The following MAPKAP1 variants were observed in gnomAD, a reference collection of about 807,000 sequenced individuals.
The protein encoded by MAPKAP1 is MAPK associated protein 1.
A neutral mutation model predicts 65.7 loss-of-function variants in MAPKAP1; 20 were observed. That is an observed-to-expected ratio of 0.30 (90% CI 0.21 to 0.44). MAPKAP1 has a LOEUF of 0.44. Among genes scored for constraint, MAPKAP1 ranks in the 20% least tolerant of loss-of-function variants. The probability of loss-of-function intolerance (pLI) is 1.00; values close to 1 mark genes in which losing one functional copy is unlikely to be tolerated. For synonymous variants in MAPKAP1, 222 were observed against 244.3 expected, an observed-to-expected ratio of 0.91 and a Z score of 0.85; for missense variants, 423 against 648.0, an observed-to-expected ratio of 0.65 and a Z score of 3.77.
intron 7 of MAPKAP1, chr9:125,542,847 A>C: frequency 1.4e-6 from 1 of 712,388 alleles, no homozygotes; most frequent in Non-Finnish European, 2.6e-6. Flanking sequence ...ATTGATATGA[A>C]TACATTCTTC....
intron 4 of MAPKAP1, among the ~76,000 whole-genome samples, chr9:125,619,189 T>C (rs1209667335): frequency 6.6e-6 from 1 of 152,198 alleles, no homozygotes; most frequent in Non-Finnish European, 1.5e-5. Flanking sequence ...AAACATGGGC[T>C]AGTCACATTT....
chr9:125,555,893 C>T (rs1484327044), intron 6 of MAPKAP1, among the ~76,000 whole-genome samples: 1 of 152,174 alleles, frequency 6.6e-6, no homozygotes, highest in African/African-American at 2.4e-5. Flanking sequence ...AAACACTACC[C>T]CTCCTCTGCT....
intron 1 of MAPKAP1, among the ~76,000 whole-genome samples, chr9:125,677,951 C>T (rs1402039424): frequency 2.0e-5 from 3 of 152,100 alleles, no homozygotes; most frequent in African/African-American, 7.2e-5. Context: ...AGGTCTCACT[C>T]CCATCGCCCA....
At chr9:125,640,028 TCTC>T (rs1163708895) in intron 4 of MAPKAP1, among the ~76,000 whole-genome samples, 3 of 152,240 alleles carry the variant, frequency 2.0e-5, no homozygotes, top group African/African-American at 7.2e-5. Flanking sequence ...CTCGCTAACT[TCTC>T]CTACTAAGAC....
chr9:125,542,747 G>T (rs376041999), intron 7 of MAPKAP1, among the ~76,000 whole-genome samples: 1 of 152,134 alleles, frequency 6.6e-6, no homozygotes, highest in Non-Finnish European at 1.5e-5. Context: ...GGACTGATTC[G>T]GTTTTCAAGA....
chr9:125,477,195 T>A (rs542692055), intron 9 of MAPKAP1, among the ~76,000 whole-genome samples: 1 of 152,220 alleles, frequency 6.6e-6, no homozygotes, highest in Non-Finnish European at 1.5e-5. Context: ...TTTATTAGGT[T>A]ATAGATGCGA....
At chr9:125,519,265 A>T (rs1235785186) in intron 7 of MAPKAP1, among the ~76,000 whole-genome samples, 10 of 152,122 alleles carry the variant, frequency 6.6e-5, no homozygotes, top group Admixed American at 6.6e-4. Flanking sequence ...AGACCACAGA[A>T]GCTTCCAGTG....
At chr9:125,468,431 TTATCTC>T (rs952314129) in intron 9 of MAPKAP1, among the ~76,000 whole-genome samples, 1 of 152,222 alleles carries the variant, frequency 6.6e-6, no homozygotes, top group African/African-American at 2.4e-5. Context: ...CAGCCGTACA[TTATCTC>T]TATATTGTAA....
chr9:125,642,205 GA>G (rs536940746), intron 4 of MAPKAP1, among the ~76,000 whole-genome samples: 4 of 100,678 alleles, frequency 4.0e-5, no homozygotes, highest in Admixed American at 9.8e-5. Flanking sequence ...ACTGTCTCAA[GA>G]AAAAAAAAAG....
rs377755471 is a variant in MAPKAP1, at chr9:125,595,782, C to T, written c.499-10055G>A. On this transcript the variant is annotated intron_variant, in intron 4 of 11. Transcript: ENST00000265960. The surrounding 1 kb of genome is among the most constrained non-coding windows in gnomAD (Gnocchi z 4.0). Reference sequence around the variant, plus strand: ...AGGAGCCATTGTGAGCAATGGGGAACGCTCCCAGACTGTGTGGTAATGAAA... The same window carrying T: ...AGGAGCCATTGTGAGCAATGGGGAATGCTCCCAGACTGTGTGGTAATGAAA... The T allele has an allele frequency of 7.5e-6, 9 of 1,197,310 alleles. No individual in the cohort carries two copies. The highest frequency in any genetic ancestry group is 4.5e-5 in the African/African-American group (3 of 67,094). The allele number at this position is 1,197,310 out of a possible 1,614,324, so 74.2% of individuals were successfully genotyped here.
At chr9:125,563,331 A>G (rs957429824) in intron 5 of MAPKAP1, among the ~76,000 whole-genome samples, 3 of 152,348 alleles carry the variant, frequency 2.0e-5, no homozygotes, top group Middle Eastern at 3.4e-3. Context: ...GGTGGAAAGA[A>G]CAGGGATTTT....
chr9:125,445,827 G>A (rs1248366311), intron 10 of MAPKAP1, among the ~76,000 whole-genome samples: 1 of 152,218 alleles, frequency 6.6e-6, no homozygotes, highest in Admixed American at 6.5e-5. Flanking sequence ...TTAAGCTACT[G>A]AAGTTGGTTT....
chr9:125,642,182 G>A (rs1833598155), intron 4 of MAPKAP1, among the ~76,000 whole-genome samples: 2 of 151,066 alleles, frequency 1.3e-5, no homozygotes, highest in South Asian at 4.2e-4. Context: ...TCCAGCCTGG[G>A]CAACAGAGTA....
intron 3 of MAPKAP1, among the ~76,000 whole-genome samples, chr9:125,659,237 C>T (rs1834119048): frequency 6.6e-6 from 1 of 152,144 alleles, no homozygotes; most frequent in Non-Finnish European, 1.5e-5. Flanking sequence ...GTATTTTCCT[C>T]ACCTGGCACA....
At chr9:125,637,366 A>G (rs1833454388) in intron 4 of MAPKAP1, among the ~76,000 whole-genome samples, 1 of 152,074 alleles carries the variant, frequency 6.6e-6, no homozygotes, top group Non-Finnish European at 1.5e-5. Context: ...TTCAAGTATC[A>G]AAGTGCTAAA....
chr9:125,538,175 T>C (rs1564547694), intron 7 of MAPKAP1, among the ~76,000 whole-genome samples: 1 of 152,216 alleles, frequency 6.6e-6, no homozygotes, highest in Admixed American at 6.5e-5. Flanking sequence ...TCGGAGCAGA[T>C]ATGCTCTGAC....
chr9:125,570,434 G>A (rs183167693), intron 5 of MAPKAP1, among the ~76,000 whole-genome samples: 1 of 152,354 alleles, frequency 6.6e-6, no homozygotes, highest in East Asian at 1.9e-4. Flanking sequence ...GACATGTGGA[G>A]TTAGACATGC....
At chr9:125,646,392 A>G (rs1833726205) in intron 4 of MAPKAP1, among the ~76,000 whole-genome samples, 1 of 152,226 alleles carries the variant, frequency 6.6e-6, no homozygotes, top group African/African-American at 2.4e-5. Context: ...TTAGCTTCAA[A>G]GCCTAGCCAT....
At chr9:125,671,623 CT>C (rs1305089806) in intron 2 of MAPKAP1, among the ~76,000 whole-genome samples, 2 of 152,180 alleles carry the variant, frequency 1.3e-5, no homozygotes, top group East Asian at 3.9e-4. Flanking sequence ...TCACATTCCC[CT>C]TGAAACAAGG....
Sources: allele counts gnomAD v4.1 joint callset (sites outside exome capture counted in the v4.1 genomes callset), GRCh38; gene constraint gnomAD v4.1.1; non-coding constraint Gnocchi (gnomAD v3.1); transcripts MANE v1.5; gene names NCBI Gene and HGNC (gene_info 2026-07-23, HGNC 2026-07-21).